The following SLC35F3 variants were observed in gnomAD, a reference collection of about 807,000 sequenced individuals.
The protein encoded by SLC35F3 is solute carrier family 35 member F3, also known as putative thiamine transporter SLC35F3.
SLC35F3 carries 25 observed loss-of-function variants against 49.9 expected under a neutral mutation model. The observed-to-expected ratio is 0.50, with a 90% CI of 0.37 to 0.70. The LOEUF (loss-of-function observed/expected upper bound fraction) is 0.70. Ranked by LOEUF, SLC35F3 falls within the 30% of genes least tolerant of loss-of-function variation. The pLI is 0.00. For missense variants in SLC35F3, 525 were observed against 639.8 expected (o/e 0.82, Z 1.94); for synonymous variants, 275 against 265.4 (o/e 1.04, Z -0.35).
Position 233,975,136 on chromosome 1 carries a change from G to A in SLC35F3, c.283+69378G>A, listed in dbSNP as rs528494939. On this transcript the variant is annotated intron_variant, in intron 2 of 7. Coordinates refer to ENST00000366618, the MANE Select transcript of SLC35F3 (RefSeq NM_173508.4). The stretch of plus-strand genomic sequence containing the variant: ...GTCAGAGTCAGGAAGTCAGGCCTGC[G>A]GCCTAGGAACCTGCATTTTAACAAC... Among the ~76,000 whole-genome samples, 681 of 151,224 alleles carry A rather than the reference G, an allele frequency of 4.5e-3. 3 individuals are homozygous for A. Among genetic ancestry groups the A allele is most frequent in the Non-Finnish European group, 7.5e-3 (508 of 67,874 alleles).
intron 3 of SLC35F3, among the ~76,000 whole-genome samples, chr1:234,267,500 G>T (rs1668006643): frequency 6.8e-6 from 1 of 147,696 alleles, no homozygotes; most frequent in African/African-American, 2.6e-5. Flanking sequence ...GGCTGGCCGG[G>T]CGGGGGGCTG....
At chr1:234,041,101 T>C (rs1664213176) in intron 2 of SLC35F3, among the ~76,000 whole-genome samples, 1 of 152,244 alleles carries the variant, frequency 6.6e-6, no homozygotes, top group African/African-American at 2.4e-5. Flanking sequence ...CCTTCTTTGG[T>C]AATGATGTCA....
At chr1:233,965,476 G>A (rs918346925) in intron 2 of SLC35F3, among the ~76,000 whole-genome samples, 3 of 152,156 alleles carry the variant, frequency 2.0e-5, no homozygotes, top group African/African-American at 7.2e-5. Flanking sequence ...ATTATGTAAG[G>A]TTTTGTTTTG....
rs552919008 is a variant in SLC35F3, at chr1:234,259,959, G to T, written c.608+28218G>T. On this transcript the variant is annotated intron_variant, in intron 3 of 7. Coordinates refer to ENST00000366618, the MANE Select transcript of SLC35F3 (RefSeq NM_173508.4). ...TTCATTAAGAGTTAATTTTGATAGAGATTAAACTGCCCCTCGTAGTTTTCT... is the reference window on the plus strand; with the variant it reads ...TTCATTAAGAGTTAATTTTGATAGATATTAAACTGCCCCTCGTAGTTTTCT... Among the ~76,000 whole-genome samples the T allele has an allele frequency of 2.0e-5, 3 of 152,144 alleles. No individual in the cohort carries two copies. In the South Asian group the frequency reaches 6.2e-4, roughly 32 times the overall value.
chr1:234,317,331 G>T (rs1657516246), intron 5 of SLC35F3, among the ~76,000 whole-genome samples: 1 of 152,056 alleles, frequency 6.6e-6, no homozygotes, highest in Non-Finnish European at 1.5e-5. Flanking sequence ...CCACACTCAG[G>T]TCCCTTTCTC....
rs75850952 is a variant in SLC35F3 at position 234,316,538 on chromosome 1, G to C, written c.829-64G>C. 1.9e-6 allele frequency: 3 copies of C among 1,541,704 alleles called. No individual in the cohort carries two copies. In the East Asian group the frequency reaches 7.0e-5, roughly 36 times the overall value. ...CCACGCACATTTCCAGCTCTTTGGC[G>C]CTTGCATACTCCCTCTGACTCCGTC... On this transcript the variant is annotated intron_variant, in intron 4 of 7. Transcript: ENST00000366618.
intron 3 of SLC35F3, among the ~76,000 whole-genome samples, chr1:234,248,484 T>C (rs983348637): frequency 2.6e-4 from 39 of 151,778 alleles, no homozygotes; most frequent in African/African-American, 8.9e-4. Flanking sequence ...GGTGCATTGT[T>C]TGGTGGGTTG....
Position 234,267,467 on chromosome 1 carries a change from G to A in SLC35F3, c.608+35726G>A, listed in dbSNP as rs1231896837. On this transcript the variant is annotated intron_variant, in intron 3 of 7. Transcript: ENST00000366618. The stretch of plus-strand genomic sequence containing the variant: ...CCAGTAGGGGCGGCCGGGCAGAAGC[G>A]CCCCTCACCTCCCGGATGGGGCGGC... Among the ~76,000 whole-genome samples the A allele has an allele frequency of 9.0e-5, 13 of 144,306 alleles. No homozygotes were observed. The South Asian group carries it at 2.2e-3, about 24-fold the overall frequency. 94.7% of individuals were successfully genotyped at this position (144,306 alleles called of 152,430 possible).
intron 2 of SLC35F3, among the ~76,000 whole-genome samples, chr1:234,139,400 T>C (rs1572066104): frequency 1.3e-5 from 2 of 152,310 alleles, no homozygotes; most frequent in Middle Eastern, 6.8e-3. Context: ...CCTGAAATAA[T>C]ACTGTAGATC....
At chr1:234,142,342 C>G (rs1021751307) in intron 2 of SLC35F3, among the ~76,000 whole-genome samples, 4 of 152,096 alleles carry the variant, frequency 2.6e-5, no homozygotes, top group Admixed American at 6.5e-5. Flanking sequence ...GTTGGCTTCC[C>G]CAGGCTCTGG....
intron 2 of SLC35F3, among the ~76,000 whole-genome samples, chr1:234,209,377 C>A (rs958650874): frequency 6.6e-6 from 1 of 151,896 alleles, no homozygotes; most frequent in African/African-American, 2.4e-5. Flanking sequence ...AAAAAAAGCT[C>A]CAGTGAAGCT....
intron 2 of SLC35F3, among the ~76,000 whole-genome samples, chr1:234,078,029 A>G (rs1664823259): frequency 6.6e-6 from 1 of 152,112 alleles, no homozygotes; most frequent in South Asian, 2.1e-4. Flanking sequence ...CTTGACTCCT[A>G]CTGCAGAGGA....
intron 2 of SLC35F3, among the ~76,000 whole-genome samples, chr1:233,986,344 C>T (rs1288081203): frequency 3.3e-5 from 5 of 152,170 alleles, no homozygotes; most frequent in African/African-American, 1.2e-4. Flanking sequence ...CCACATTCAA[C>T]TCTCTTCTTC....
intron 2 of SLC35F3, among the ~76,000 whole-genome samples, chr1:234,062,475 C>T (rs752807511): frequency 1.8e-4 from 27 of 152,168 alleles, no homozygotes; most frequent in Non-Finnish European, 1.3e-4. Context: ...TGTGGAACCC[C>T]GGAGGGCTCC....
chr1:234,323,214 A>T lies in SLC35F3; in HGVS notation c.1444A>T (p.Arg482Ter), dbSNP rs759556388. Reference sequence around the variant, plus strand: ...GAGCTCAGGACCTCAGAGCAAGAACAGAAGAGCCCGCCCTTCCTTCGCCCG... The same window carrying T: ...GAGCTCAGGACCTCAGAGCAAGAACTGAAGAGCCCGCCCTTCCTTCGCCCG... Reference protein sequence around the residue: ...DLSSGPQSKNRRARPSFAR With the variant: ...DLSSGPQSKN The change falls in exon 8 of 8, where the codon AGA becomes TGA. Residue 482 changes from arginine to a stop codon, truncating the protein, a stop_gained. Transcript: ENST00000366618. LOFTEE classifies it high-confidence loss of function. The surrounding 1 kb of genome is among the most constrained non-coding windows in gnomAD (Gnocchi z 4.5). The T allele has an allele frequency of 6.2e-6, 10 of 1,613,960 alleles. No homozygotes were observed.
intron 2 of SLC35F3, among the ~76,000 whole-genome samples, chr1:234,076,424 C>T (rs570534461): frequency 6.6e-6 from 1 of 151,802 alleles, no homozygotes; most frequent in East Asian, 2.0e-4. Flanking sequence ...ATAGTGAGAC[C>T]CTGTCTCTCT....
chr1:234,121,958 TATCA>T (rs67882784), intron 2 of SLC35F3, among the ~76,000 whole-genome samples: 52,721 of 151,920 alleles, frequency 0.35, 10,317 homozygotes, highest in East Asian at 0.78. Flanking sequence ...TAATCCAGTC[TATCA>T]ATCACTGATG....
At chr1:234,288,668 A>G (rs1025209910) in intron 3 of SLC35F3, among the ~76,000 whole-genome samples, 1 of 152,064 alleles carries the variant, frequency 6.6e-6, no homozygotes, top group Admixed American at 6.6e-5. Context: ...ATATCATCTC[A>G]TTTTCCTGCT....
intron 2 of SLC35F3, among the ~76,000 whole-genome samples, chr1:234,000,917 G>A: frequency 6.6e-6 from 1 of 152,308 alleles, no homozygotes; most frequent in Non-Finnish European, 1.5e-5. Flanking sequence ...CTGTTTGACA[G>A]TGACAATGAC....
Sources: gnomAD v4.1 joint callset for allele counts (sites outside exome capture counted in the v4.1 genomes callset) on GRCh38, gnomAD v4.1.1 for gene constraint, Gnocchi (gnomAD v3.1) non-coding constraint, MANE v1.5 for transcripts, NCBI Gene and HGNC (gene_info 2026-07-23, HGNC 2026-07-21) for gene names.